The following AP2M1 variants were observed in gnomAD, a reference collection of about 807,000 sequenced individuals.
The protein encoded by AP2M1 is AP-2 complex subunit mu.
A neutral mutation model predicts 54.5 loss-of-function variants in AP2M1; 5 were observed. That is an observed-to-expected ratio of 0.09 (90% CI 0.05 to 0.19). The LOEUF (loss-of-function observed/expected upper bound fraction) is 0.19. Ranked by LOEUF, AP2M1 falls within the 10% of genes least tolerant of loss-of-function variation. The pLI is 1.00. For missense variants in AP2M1, 178 were observed against 580.2 expected (o/e 0.31, Z 7.12); for synonymous variants, 186 against 208.2 (o/e 0.89, Z 0.92).
chr3:184,183,532 A>G lies in AP2M1; in HGVS notation c.1224A>G (p.Glu408=), dbSNP rs1715343424. The G allele has an allele frequency of 1.9e-6, 3 of 1,614,096 alleles. No individual in the cohort carries two copies. In the Admixed American group the frequency reaches 5.0e-5, roughly 27 times the overall value. ...GLKVRYLKVF[E]PKLNYSDHDV... is the part of the protein sequence containing the mutation. ...AGGTGCGCTACTTGAAGGTGTTTGA[A>G]CCGAAGCTGAACTACAGCGACCATG... is the stretch of plus-strand genomic sequence containing the variant. Residue 408 remains glutamate (E), a synonymous_variant, in exon 12 of 12, where the codon GAA becomes GAG. Coordinates refer to ENST00000292807, the MANE Select transcript of AP2M1 (RefSeq NM_004068.4). The surrounding 1 kb of genome is among the most constrained non-coding windows in gnomAD (Gnocchi z 5.7).
intron 3 of AP2M1, among the ~76,000 whole-genome samples, chr3:184,179,694 T>C (rs1422185766): frequency 2.0e-5 from 3 of 149,760 alleles, no homozygotes; most frequent in Admixed American, 6.7e-5. Context: ...AGGGTCTTGC[T>C]CTTGTCACCT....
rs368900561 is a variant in AP2M1, at chr3:184,181,865, G to C, written c.828-47G>C. 51 of 1,613,934 alleles carry C rather than the reference G, an allele frequency of 3.2e-5. No homozygotes were observed. The highest frequency in any genetic ancestry group is 4.1e-5 in the Non-Finnish European group (48 of 1,179,914). Reference sequence around the variant, plus strand: ...GCTAGTGCTGCTGGCAGACTGGGGAGAGGAAGTGGGTCAGCTCTTTGGTAA... The same window carrying C: ...GCTAGTGCTGCTGGCAGACTGGGGACAGGAAGTGGGTCAGCTCTTTGGTAA... On this transcript the variant is annotated intron_variant, in intron 8 of 11. Transcript: ENST00000292807. This position sits in a 1 kb window ranked among gnomAD's most constrained non-coding sequence, Gnocchi z 5.7.
chr3:184,182,753 C>G lies in AP2M1; in HGVS notation c.1062-4C>G. 1 of 1,613,032 alleles carries G rather than the reference C, an allele frequency of 6.2e-7. No homozygotes were observed. The stretch of plus-strand genomic sequence containing the variant: ...TGGGCTGCCCATTGTCCCTGTGTTC[C>G]CAGGATCAAGCGCATGGCAGGCATG... On this transcript the variant is annotated splice_region_variant and splice_polypyrimidine_tract_variant and intron_variant, in intron 10 of 11. Coordinates refer to ENST00000292807, the MANE Select transcript of AP2M1 (RefSeq NM_004068.4). The surrounding 1 kb of genome is among the most constrained non-coding windows in gnomAD (Gnocchi z 5.5).
chr3:184,175,901 T>C (rs576206118), intron 1 of AP2M1, among the ~76,000 whole-genome samples: 1 of 152,300 alleles, frequency 6.6e-6, no homozygotes, highest in Admixed American at 6.5e-5. Flanking sequence ...CTGGAAGACC[T>C]TGACAGCCAC....
chr3:184,180,673 A>G lies in AP2M1; in HGVS notation c.429+23A>G. The stretch of plus-strand genomic sequence containing the variant: ...CAGGTAAGCTCTTCCCTCAGCTTCC[A>G]CCCTTGCAGCTTTGCTTTGTTTCTC... On this transcript the variant is annotated intron_variant, in intron 5 of 11. Transcript: ENST00000292807. The surrounding 1 kb of genome is among the most constrained non-coding windows in gnomAD (Gnocchi z 4.9). 1 of 1,614,062 alleles carries G rather than the reference A, an allele frequency of 6.2e-7. No individual in the cohort carries two copies. The highest frequency in any genetic ancestry group is 1.1e-5 in the South Asian group (1 of 91,078).
rs369094450 is a variant in AP2M1 at position 184,180,280 on chromosome 3, G to A, written c.423+29G>A. Reference sequence around the variant, plus strand: ...CTTGAATTGTGCAGACTATAGTCAGGGTGGAGTCCAATCTCCCTTCATCTC... The same window carrying A: ...CTTGAATTGTGCAGACTATAGTCAGAGTGGAGTCCAATCTCCCTTCATCTC... On this transcript the variant is annotated intron_variant, in intron 4 of 11. Coordinates refer to ENST00000292807, the MANE Select transcript of AP2M1 (RefSeq NM_004068.4). The surrounding 1 kb of genome is among the most constrained non-coding windows in gnomAD (Gnocchi z 4.9). The A allele has an allele frequency of 3.9e-5, 63 of 1,610,822 alleles. No individual in the cohort carries two copies. Among genetic ancestry groups the A allele is most frequent in the Non-Finnish European group, 4.8e-5 (57 of 1,177,580 alleles).
intron 2 of AP2M1, chr3:184,177,772 C>A: frequency 1.5e-6 from 1 of 670,634 alleles, no homozygotes; most frequent in Non-Finnish European, 2.5e-6. Context: ...CTGAAGGGAC[C>A]TATCCTAGCC....
chr3:184,182,850 C>G lies in AP2M1; in HGVS notation c.1155C>G (p.Pro385=). ...TNDKKKWARP[P]ISMNFEVPFA... ...ACAAGAAGAAATGGGCTCGACCCCC[C>G]ATTTCCATGAACTTTGAGGTATGGC... Residue 385 remains proline (P), a synonymous_variant, in exon 11 of 12, where the codon CCC becomes CCG. Transcript: ENST00000292807. The surrounding 1 kb of genome is among the most constrained non-coding windows in gnomAD (Gnocchi z 5.5). The G allele has an allele frequency of 6.2e-7, 1 of 1,614,034 alleles. No individual in the cohort carries two copies. Among genetic ancestry groups the G allele is most frequent in the Non-Finnish European group, 8.5e-7 (1 of 1,179,972 alleles).
Position 184,182,198 on chromosome 3 carries a change from C to T in AP2M1, c.1011C>T (p.Cys337=). Residue 337 remains cysteine (C), a synonymous_variant, in exon 10 of 12, where the codon TGC becomes TGT. Coordinates refer to ENST00000292807, the MANE Select transcript of AP2M1 (RefSeq NM_004068.4). The surrounding 1 kb of genome is among the most constrained non-coding windows in gnomAD (Gnocchi z 5.5). ...ACACAAGCGGGGTGCAGGTGATCTG[C>T]ATGAAGGGGAAGGCCAAGTACAAGG... The part of the protein sequence containing the change: ...PLNTSGVQVI[C]MKGKAKYKAS... 6.2e-7 allele frequency: 1 copy of T among 1,614,132 alleles called. No individual in the cohort carries two copies. Among genetic ancestry groups the T allele is most frequent in the East Asian group, 2.2e-5 (1 of 44,876 alleles).
rs561821352 is a variant in AP2M1, at chr3:184,180,730, A to C, written c.429+80A>C. 2.5e-6 allele frequency: 4 copies of C among 1,614,116 alleles called. 1 individual carries two copies. In the East Asian group the frequency reaches 8.9e-5, roughly 36 times the overall value. ...CTGCCCTTTGGGGCTTATAGGGGAA[A>C]ATGGATTACAGGTGGGGACTAGAAG... On this transcript the variant is annotated intron_variant, in intron 5 of 11. Transcript: ENST00000292807. This position sits in a 1 kb window ranked among gnomAD's most constrained non-coding sequence, Gnocchi z 4.9.
rs1262363719 is a variant in AP2M1 at position 184,181,235 on chromosome 3, G to C, written c.707+9G>C. Reference sequence around the variant, plus strand: ...GATGAAACAAGCAAGAGGTGCCTGAGGCAGGAGAGCTGGTGGGAGAGGGTG... The same window carrying C: ...GATGAAACAAGCAAGAGGTGCCTGACGCAGGAGAGCTGGTGGGAGAGGGTG... On this transcript the variant is annotated intron_variant, in intron 7 of 11. Coordinates refer to ENST00000292807, the MANE Select transcript of AP2M1 (RefSeq NM_004068.4). This position sits in a 1 kb window ranked among gnomAD's most constrained non-coding sequence, Gnocchi z 5.7. 1 of 1,613,920 alleles carries C rather than the reference G, an allele frequency of 6.2e-7. No homozygotes were observed. The highest frequency in any genetic ancestry group is 1.1e-5 in the South Asian group (1 of 90,834).
chr3:184,180,445 T>G lies in AP2M1; in HGVS notation c.423+194T>G, dbSNP rs1354043812. On this transcript the variant is annotated intron_variant, in intron 4 of 11. Transcript: ENST00000292807. This position sits in a 1 kb window ranked among gnomAD's most constrained non-coding sequence, Gnocchi z 4.9. ...CTGCAGGAGCAGCCAATTCAGCATCTCTATTACCAGGAATACAGCTCAAGC... is the reference window on the plus strand; with the variant it reads ...CTGCAGGAGCAGCCAATTCAGCATCGCTATTACCAGGAATACAGCTCAAGC... 3.4e-5 allele frequency: 36 copies of G among 1,058,286 alleles called. No homozygotes were observed. The highest frequency in any genetic ancestry group is 2.8e-4 in the Admixed American group (11 of 39,766). 65.6% of individuals were successfully genotyped at this position (1,058,286 alleles called of 1,614,324 possible).
In AP2M1 at chr3:184,177,868, C is replaced by G. The variant is rs570373400; in HGVS notation, c.74+801C>G. 155 of 596,102 alleles carry G rather than the reference C, an allele frequency of 2.6e-4. 3 individuals carry two copies. The South Asian group carries it at 3.2e-3, about 12-fold the overall frequency. 36.9% of individuals were successfully genotyped at this position (596,102 alleles called of 1,614,324 possible). On this transcript the variant is annotated intron_variant, in intron 2 of 11. Transcript: ENST00000292807. Reference sequence around the variant, plus strand: ...GCTTGAGATAAAGTCACAGAATGGGCCTGTGGCAGTGCTCTTCATTTGGCT... The same window carrying G: ...GCTTGAGATAAAGTCACAGAATGGGGCTGTGGCAGTGCTCTTCATTTGGCT...
chr3:184,177,418 C>T, intron 2 of AP2M1: 1 of 864,436 alleles, frequency 1.2e-6, no homozygotes, highest in Non-Finnish European at 1.8e-6. Flanking sequence ...GGGTTAGTGG[C>T]CACGCTGGAG....
intron 2 of AP2M1, chr3:184,177,592 C>G (rs1429839040): frequency 7.8e-6 from 12 of 1,535,944 alleles, no homozygotes; most frequent in Non-Finnish European, 9.6e-6. Flanking sequence ...TGGCCCATTC[C>G]CTGGGGAGTG....
chr3:184,182,952 A>C lies in AP2M1; in HGVS notation c.1173+84A>C. 2.6e-6 allele frequency: 3 copies of C among 1,157,998 alleles called. No homozygotes were observed. Among genetic ancestry groups the C allele is most frequent in the Non-Finnish European group, 3.8e-6 (3 of 782,620 alleles). The allele number at this position is 1,157,998 out of a possible 1,614,324, so 71.7% of individuals were successfully genotyped here. On this transcript the variant is annotated intron_variant, in intron 11 of 11. Transcript: ENST00000292807. This position sits in a 1 kb window ranked among gnomAD's most constrained non-coding sequence, Gnocchi z 5.5. ...TCATTCCGATAAACTGCTGCACCTT[A>C]GAGGTGAGGAAACTGAGGCCTAGAA...
Position 184,181,795 on chromosome 3 carries a change from T to C in AP2M1, c.807T>C (p.Asp269=). Reference sequence around the variant, plus strand: ...GCAGCATCAGCTTTATCCCGCCAGATGGAGAGTTTGAGCTTATGAGGTGCC... The same window carrying C: ...GCAGCATCAGCTTTATCCCGCCAGACGGAGAGTTTGAGCTTATGAGGTGCC... ...SERSISFIPP[D]GEFELMRYRT... The change falls in exon 8 of 12, where the codon GAT becomes GAC. Residue 269 remains aspartate (D), a synonymous_variant. Coordinates refer to ENST00000292807, the MANE Select transcript of AP2M1 (RefSeq NM_004068.4). This position sits in a 1 kb window ranked among gnomAD's most constrained non-coding sequence, Gnocchi z 5.7. The C allele has an allele frequency of 6.2e-7, 1 of 1,614,150 alleles. No individual in the cohort carries two copies. Among genetic ancestry groups the C allele is most frequent in the Non-Finnish European group, 8.5e-7 (1 of 1,180,014 alleles).
Position 184,182,950 on chromosome 3 carries a change from T to A in AP2M1, c.1173+82T>A. On this transcript the variant is annotated intron_variant, in intron 11 of 11. Transcript: ENST00000292807. This position sits in a 1 kb window ranked among gnomAD's most constrained non-coding sequence, Gnocchi z 5.5. ...GATCATTCCGATAAACTGCTGCACC[T>A]TAGAGGTGAGGAAACTGAGGCCTAG... 8.4e-7 allele frequency: 1 copy of A among 1,191,480 alleles called. No individual in the cohort carries two copies. Among genetic ancestry groups the A allele is most frequent in the Non-Finnish European group, 1.2e-6 (1 of 812,514 alleles). The allele number at this position is 1,191,480 out of a possible 1,614,324, so 73.8% of individuals were successfully genotyped here.
intron 1 of AP2M1, among the ~76,000 whole-genome samples, chr3:184,176,338 CT>C (rs1352643501): frequency 3.9e-5 from 6 of 152,300 alleles, no homozygotes; most frequent in Admixed American, 2.0e-4. Context: ...ATTCCACTGC[CT>C]GGAAGAGGTT....
Sources: gnomAD v4.1 joint callset for allele counts (sites outside exome capture counted in the v4.1 genomes callset) on GRCh38, gnomAD v4.1.1 for gene constraint, Gnocchi (gnomAD v3.1) non-coding constraint, MANE v1.5 for transcripts, NCBI Gene and HGNC (gene_info 2026-07-23, HGNC 2026-07-21) for gene names.